The following EYA2 variants were observed in gnomAD, a reference collection of about 807,000 sequenced individuals.
EYA2 encodes protein phosphatase EYA2.
A neutral mutation model predicts 69.2 loss-of-function variants in EYA2; 31 were observed. That is an observed-to-expected ratio of 0.45 (90% CI 0.34 to 0.60). The LOEUF (loss-of-function observed/expected upper bound fraction) is 0.60. EYA2 is among the 20% of genes least tolerant of loss of function. EYA2 has a pLI of 0.02. For synonymous variants in EYA2, 257 were observed against 279.4 expected (o/e 0.92, Z 0.80); for missense variants, 622 against 701.2 (o/e 0.89, Z 1.28).
intron 4 of EYA2, among the ~76,000 whole-genome samples, chr20:47,005,846 C>T (rs1451461829): frequency 6.6e-6 from 1 of 152,228 alleles, no homozygotes; most frequent in Non-Finnish European, 1.5e-5. Context: ...CTGCCCTTGC[C>T]TCTGGCCTTG....
At chr20:47,002,610 T>C (rs540362497) in intron 3 of EYA2, among the ~76,000 whole-genome samples, 1 of 152,352 alleles carries the variant, frequency 6.6e-6, no homozygotes, top group African/African-American at 2.4e-5. Flanking sequence ...CTATCATTGA[T>C]GGGCATTTGG....
intron 9 of EYA2, among the ~76,000 whole-genome samples, chr20:47,101,248 C>G (rs1456842594): frequency 2.0e-5 from 3 of 152,120 alleles, no homozygotes; most frequent in Admixed American, 1.3e-4. Flanking sequence ...CCATGCCCAG[C>G]TAATTTTTAA....
At chr20:46,944,062 AC>A (rs1471832100) in intron 1 of EYA2, among the ~76,000 whole-genome samples, 2 of 152,018 alleles carry the variant, frequency 1.3e-5, no homozygotes, top group African/African-American at 4.8e-5. Context: ...ACCTTGAGCA[AC>A]CTCCCAGCTT....
At chr20:46,901,531 G>A (rs949139716) in intron 1 of EYA2, 1 of 152,256 alleles carries the variant, frequency 6.6e-6, no homozygotes, top group Non-Finnish European at 1.5e-5. Flanking sequence ...GAAATTCCAA[G>A]TAGGGAGAAA....
At chr20:46,988,453 A>G (rs953652534) in intron 1 of EYA2, among the ~76,000 whole-genome samples, 2 of 152,128 alleles carry the variant, frequency 1.3e-5, no homozygotes, top group African/African-American at 4.8e-5. Flanking sequence ...CCTTTTTACA[A>G]TGGGATCTGA....
intron 9 of EYA2, among the ~76,000 whole-genome samples, chr20:47,122,301 T>G (rs2033070882): frequency 6.8e-6 from 1 of 147,530 alleles, no homozygotes; most frequent in Non-Finnish European, 1.5e-5. Flanking sequence ...TTTTTTTTTT[T>G]TTTTTTTTTT....
rs187313365 is a variant in EYA2, at chr20:47,027,624, G to A, written c.415+11327G>A. 2.2e-3 allele frequency among the ~76,000 whole-genome samples: 334 copies of A among 152,298 alleles called. 1 individual carries two copies. The highest frequency in any genetic ancestry group is 7.8e-3 in the African/African-American group (323 of 41,558). Reference sequence around the variant, plus strand: ...TCACCCCTATCTCCAAAAGCCACTGGAGGTAACAGGCGGAAACAGCTGGAG... The same window carrying A: ...TCACCCCTATCTCCAAAAGCCACTGAAGGTAACAGGCGGAAACAGCTGGAG... On this transcript the variant is annotated intron_variant, in intron 5 of 15. Transcript: ENST00000327619.
At chr20:46,925,372 A>G (rs977382894) in intron 1 of EYA2, among the ~76,000 whole-genome samples, 1 of 152,228 alleles carries the variant, frequency 6.6e-6, no homozygotes, top group Non-Finnish European at 1.5e-5. Context: ...TAATGCAAAT[A>G]CCATATGCAA....
At chr20:46,964,983 T>C (rs1264873191) in intron 1 of EYA2, among the ~76,000 whole-genome samples, 1 of 152,142 alleles carries the variant, frequency 6.6e-6, no homozygotes, top group Non-Finnish European at 1.5e-5. Flanking sequence ...GCTAGATAAA[T>C]GAGAGTGAGT....
At chr20:46,916,348 G>A (rs1002281808) in intron 1 of EYA2, among the ~76,000 whole-genome samples, 3 of 152,166 alleles carry the variant, frequency 2.0e-5, no homozygotes, top group Non-Finnish European at 4.4e-5. Flanking sequence ...AATGTATTGT[G>A]CAGTGTGTGT....
chr20:47,101,772 A>ATAT (rs2032429159), intron 9 of EYA2, among the ~76,000 whole-genome samples: 1 of 152,182 alleles, frequency 6.6e-6, no homozygotes, highest in South Asian at 2.1e-4. Flanking sequence ...CAGAGAAGTA[A>ATAT]TAAGGATGTA....
At chr20:46,946,784 C>A (rs1486033044) in intron 1 of EYA2, among the ~76,000 whole-genome samples, 2 of 151,966 alleles carry the variant, frequency 1.3e-5, no homozygotes, top group East Asian at 3.9e-4. Context: ...CCCTCCCCAC[C>A]CACCCAACGT....
At chr20:46,964,573 C>A (rs771402143) in intron 1 of EYA2, among the ~76,000 whole-genome samples, 1 of 152,206 alleles carries the variant, frequency 6.6e-6, no homozygotes, top group African/African-American at 2.4e-5. Flanking sequence ...TGTCCTGTGA[C>A]GCAGGTATCC....
intron 10 of EYA2, chr20:47,161,097 T>G: frequency 3.2e-6 from 1 of 313,642 alleles, no homozygotes; most frequent in Non-Finnish European, 6.0e-6. Flanking sequence ...CAGCAGCTTT[T>G]GGGCATGGGG....
At chr20:46,995,195 C>T (rs1981941467) in intron 2 of EYA2, among the ~76,000 whole-genome samples, 1 of 152,242 alleles carries the variant, frequency 6.6e-6, no homozygotes, top group African/African-American at 2.4e-5. Context: ...GCCACCGTGC[C>T]TGGCCTGTTG....
Position 46,950,634 on chromosome 20 carries a change from C to G in EYA2, c.-10-39367C>G, listed in dbSNP as rs1446454414. On this transcript the variant is annotated intron_variant, in intron 1 of 15. Transcript: ENST00000327619. ...TCCTTGAAATTCAGAAGGCGGAGGT[C>G]GTACTCAAATTGCCTCTGCCGTGTT... Among the ~76,000 whole-genome samples the G allele has an allele frequency of 2.0e-5, 3 of 152,162 alleles. No individual in the cohort carries two copies. In the South Asian group the frequency reaches 6.2e-4, roughly 31 times the overall value.
intron 1 of EYA2, among the ~76,000 whole-genome samples, chr20:46,934,810 A>C (rs1480056978): frequency 6.6e-6 from 1 of 152,212 alleles, no homozygotes; most frequent in East Asian, 1.9e-4. Context: ...AGTGGATCAC[A>C]AGGAATTGGA....
chr20:47,074,057 G>A lies in EYA2; in HGVS notation c.484-101G>A, dbSNP rs958823564. 10 of 1,143,438 alleles carry A rather than the reference G, an allele frequency of 8.7e-6. No individual in the cohort carries two copies. The African/African-American group carries it at 1.4e-4, about 16-fold the overall frequency. 70.8% of individuals were successfully genotyped at this position (1,143,438 alleles called of 1,614,324 possible). On this transcript the variant is annotated intron_variant, in intron 6 of 15. Coordinates refer to ENST00000327619, the MANE Select transcript of EYA2 (RefSeq NM_005244.5). ...TGAAGACAGTTTCTGCCCACAGAGAGCTTTTATTCTAATGGTGAGACAGAG... is the reference window on the plus strand; with the variant it reads ...TGAAGACAGTTTCTGCCCACAGAGAACTTTTATTCTAATGGTGAGACAGAG...
At chr20:47,071,552 T>C (rs1052736000) in intron 5 of EYA2, among the ~76,000 whole-genome samples, 10 of 151,904 alleles carry the variant, frequency 6.6e-5, no homozygotes, top group Non-Finnish European at 1.5e-4. Context: ...TCCCAAAGCA[T>C]TGGAATTACA....
Sources: gnomAD v4.1 joint callset for allele counts (sites outside exome capture counted in the v4.1 genomes callset) on GRCh38, gnomAD v4.1.1 for gene constraint, MANE v1.5 for transcripts, NCBI Gene and HGNC (gene_info 2026-07-23, HGNC 2026-07-21) for gene names.